The following TARDBP variants were observed in gnomAD, a reference collection of about 807,000 sequenced individuals.
TARDBP encodes TAR DNA binding protein.
In TARDBP, 4 loss-of-function variants were observed where a neutral mutation model predicts 38.3. The ratio of observed to expected loss-of-function variants is 0.10; its 90% CI spans 0.05 to 0.24. The LOEUF (loss-of-function observed/expected upper bound fraction) is 0.24. TARDBP is among the 10% of genes least tolerant of loss of function. TARDBP has a pLI of 1.00. For missense variants in TARDBP, 202 were observed against 521.9 expected (o/e 0.39, Z 5.97); for synonymous variants, 184 against 183.8 (o/e 1.00, Z -0.01).
downstream of TARDBP, chr1:11,027,229 A>C (rs1187379200): frequency 6.2e-7 from 1 of 1,614,256 alleles, no homozygotes. Flanking sequence ...GTTAATCCCC[A>C]TCCAGATGCA....
At chr1:11,027,528 A>C, downstream of TARDBP, 1 of 1,614,154 alleles carries the variant, frequency 6.2e-7, no homozygotes, top group Non-Finnish European at 8.5e-7. Flanking sequence ...GTTGTCATAT[A>C]AAAGTGCACC....
downstream of TARDBP, chr1:11,030,135 T>C (rs1459625726): frequency 6.8e-7 from 1 of 1,460,910 alleles, no homozygotes; most frequent in African/African-American, 1.4e-5. Flanking sequence ...CAGTCCTCCT[T>C]TCCATCAATT....
downstream of TARDBP, chr1:11,026,908 C>T (rs762811177): frequency 4.0e-6 from 6 of 1,484,972 alleles, no homozygotes; most frequent in East Asian, 2.4e-5. Context: ...ATTATGTTCT[C>T]GATCCAGGGA....
downstream of TARDBP, among the ~76,000 whole-genome samples, chr1:11,029,368 T>C (rs887235841): frequency 1.3e-5 from 2 of 150,582 alleles, no homozygotes; most frequent in African/African-American, 4.9e-5. Context: ...GCCACTGCAC[T>C]CCAACCTGGC....
intron 3 of TARDBP, 69 bp downstream of exon 3, chr1:11,017,076 A>T: frequency 9.2e-6 from 14 of 1,522,078 alleles, no homozygotes; most frequent in Non-Finnish European, 1.2e-5. Flanking sequence ...ATTTATTGGT[A>T]TAAATAGAGA....
At position 11,023,608 on chromosome 1, in the gene TARDBP, A is replaced by G. The variant is rs1295153637; in HGVS notation, c.*954A>G. On this transcript the variant is annotated 3_prime_UTR_variant, in exon 6 of 6. Coordinates refer to ENST00000240185, the MANE Select transcript of TARDBP (RefSeq NM_007375.4). ...GAGTGTGCAGAGAGCAATGATAGCAAATAATGTACGAATGTTTTTTGCATT... is the reference window on the plus strand; with the variant it reads ...GAGTGTGCAGAGAGCAATGATAGCAGATAATGTACGAATGTTTTTTGCATT... The G allele has an allele frequency of 2.0e-5, 6 of 306,038 alleles. No individual in the cohort carries two copies. The highest frequency in any genetic ancestry group is 3.0e-5 in the Non-Finnish European group (5 of 166,638). The allele number at this position is 306,038 out of a possible 1,614,324, so 19.0% of individuals were successfully genotyped here. A position where few individuals can be genotyped will look rare whatever the true frequency, so the allele number is the denominator to read the frequency against.
chr1:11,018,983 A>G (rs1207040477), intron 4 of TARDBP, 110 bp downstream of exon 4: 1 of 1,508,586 alleles, frequency 6.6e-7, no homozygotes, highest in Non-Finnish European at 9.2e-7. Context: ...TGTTCATGAA[A>G]TCCTTTTGTC....
chr1:11,022,444 C>G lies in TARDBP; in HGVS notation c.1035C>G (p.Asn345Lys). ...TGGGCATGTTAGCCAGCCAGCAGAA[C>G]CAGTCAGGCCCATCGGGTAATAACC... Reference protein sequence around the residue: ...GMMGMLASQQNQSGPSGNNQN... With the variant: ...GMMGMLASQQKQSGPSGNNQN... Residue 345 changes from asparagine (N) to lysine (K), a missense_variant, in exon 6 of 6, where the codon AAC (asparagine) becomes AAG (lysine). Asn to Lys is a moderately conservative substitution (Grantham distance 94, BLOSUM62 0). Coordinates refer to ENST00000240185, the MANE Select transcript of TARDBP (RefSeq NM_007375.4). This position sits in a 1 kb window ranked among gnomAD's most constrained non-coding sequence, Gnocchi z 4.5. 6.2e-7 allele frequency: 1 copy of G among 1,613,428 alleles called. No homozygotes were observed. Among genetic ancestry groups the G allele is most frequent in the East Asian group, 2.2e-5 (1 of 44,880 alleles).
At chr1:11,027,411 G>T, downstream of TARDBP, 1 of 1,614,164 alleles carries the variant, frequency 6.2e-7, no homozygotes, top group Non-Finnish European at 8.5e-7. Context: ...TTCAGACCAG[G>T]CTTGTGTATA....
At chr1:11,021,580 G>A (rs941193744) in intron 5 of TARDBP, among the ~76,000 whole-genome samples, 7 of 151,688 alleles carry the variant, frequency 4.6e-5, no homozygotes, top group Non-Finnish European at 8.8e-5. Flanking sequence ...TCCTGCTCCC[G>A]GCCCATTTTT....
At chr1:11,028,257 G>C (rs1297526084), downstream of TARDBP, among the ~76,000 whole-genome samples, 1 of 152,058 alleles carries the variant, frequency 6.6e-6, no homozygotes, top group African/African-American at 2.4e-5. Flanking sequence ...AGGGCAAGCA[G>C]GCATTGTCTG....
In TARDBP at chr1:11,016,941, A is replaced by G. The variant is rs373324166; in HGVS notation, c.336A>G (p.Pro112=). ...CCGATTTAATAGTGTTGGGTCTCCCATGGAAAACAACCGAACAGGACCTGA... is the reference window on the plus strand; with the variant it reads ...CCGATTTAATAGTGTTGGGTCTCCCGTGGAAAACAACCGAACAGGACCTGA... ...KTSDLIVLGL[P]WKTTEQDLKE... is the part of the protein sequence containing the mutation. Residue 112 remains proline, a synonymous_variant, in exon 3 of 6, where the codon CCA becomes CCG. Transcript: ENST00000240185. 1.9e-6 allele frequency: 3 copies of G among 1,614,236 alleles called. No individual in the cohort carries two copies. Among genetic ancestry groups the G allele is most frequent in the South Asian group, 1.1e-5 (1 of 91,090 alleles).
At chr1:11,014,334 A>C (rs2100839247) in intron 2 of TARDBP, among the ~76,000 whole-genome samples, 1 of 152,308 alleles carries the variant, frequency 6.6e-6, no homozygotes, top group South Asian at 2.1e-4. Flanking sequence ...TCATTCAGCA[A>C]ATCTGAGTTC....
downstream of TARDBP, chr1:11,027,716 A>T: frequency 2.7e-6 from 4 of 1,495,272 alleles, no homozygotes; most frequent in Non-Finnish European, 3.6e-6. Context: ...TTAAATTATG[A>T]CCGCCTTGAA....
Position 11,022,987 on chromosome 1 carries a change from T to C in TARDBP, c.*333T>C. ...GGACTTGTCAAGTGAATTCTTTGCA[T>C]GTTCAAAACGGAAACCATTGATTAG... is the stretch of plus-strand genomic sequence containing the variant. On this transcript the variant is annotated 3_prime_UTR_variant, in exon 6 of 6. Transcript: ENST00000240185. The surrounding 1 kb of genome is among the most constrained non-coding windows in gnomAD (Gnocchi z 4.5). 2.2e-6 allele frequency: 3 copies of C among 1,395,128 alleles called. No individual in the cohort carries two copies. Among genetic ancestry groups the C allele is most frequent in the Non-Finnish European group, 2.8e-6 (3 of 1,072,636 alleles). 86.4% of individuals were successfully genotyped at this position (1,395,128 alleles called of 1,614,324 possible).
chr1:11,024,795 T>G lies in TARDBP; in HGVS notation c.*2141T>G, dbSNP rs936685594. 6.5e-6 allele frequency: 1 copy of G among 152,682 alleles called. No homozygotes were observed. The highest frequency in any genetic ancestry group is 2.4e-5 in the African/African-American group (1 of 41,466). The allele number at this position is 152,682 out of a possible 1,614,324, so 9.5% of individuals were successfully genotyped here. A position where few individuals can be genotyped will look rare whatever the true frequency, so the allele number is the denominator to read the frequency against. ...TGTTAAGTATGTAAAAGCAATAACA[T>G]TGATTCTCTGTTGTACTTTTTTGTA... On this transcript the variant is annotated 3_prime_UTR_variant, in exon 6 of 6. Transcript: ENST00000240185.
downstream of TARDBP, chr1:11,027,623 T>C (rs1245745864): frequency 6.2e-7 from 1 of 1,612,420 alleles, no homozygotes; most frequent in African/African-American, 1.3e-5. Flanking sequence ...TACGCCCTCC[T>C]GTTGTGCGGG....
chr1:11,023,307 C>T lies in TARDBP; in HGVS notation c.*653C>T. The T allele has an allele frequency of 2.0e-6, 3 of 1,523,408 alleles. No homozygotes were observed. The highest frequency in any genetic ancestry group is 2.7e-6 in the Non-Finnish European group (3 of 1,123,252). 94.4% of individuals were successfully genotyped at this position (1,523,408 alleles called of 1,614,324 possible). ...TCTCATTCAAGAATTCGTCATCACG[C>T]ATCACAGGCCGCGTCTTTGACGGTG... On this transcript the variant is annotated 3_prime_UTR_variant, in exon 6 of 6. Transcript: ENST00000240185.
At position 11,023,562 on chromosome 1, in the gene TARDBP, A is replaced by C; in HGVS notation, c.*908A>C. 1 of 419,130 alleles carries C rather than the reference A, an allele frequency of 2.4e-6. No individual in the cohort carries two copies. The allele number at this position is 419,130 out of a possible 1,614,324, so 26.0% of individuals were successfully genotyped here. On this transcript the variant is annotated 3_prime_UTR_variant, in exon 6 of 6. Transcript: ENST00000240185. ...TTTAACTTGGCGAGATGTGTCTCTC[A>C]ATCCTGTGGCTTTGGTGAGAGAGTG...
Sources: allele counts gnomAD v4.1 joint callset (sites outside exome capture counted in the v4.1 genomes callset), GRCh38; gene constraint gnomAD v4.1.1; non-coding constraint Gnocchi (gnomAD v3.1); transcripts MANE v1.5; gene names NCBI Gene and HGNC (gene_info 2026-07-23, HGNC 2026-07-21).